The following SAMD12 variants were observed in gnomAD, a reference collection of about 807,000 sequenced individuals.
The protein encoded by SAMD12 is sterile alpha motif domain-containing protein 12.
A neutral mutation model predicts 15.0 loss-of-function variants in SAMD12; 9 were observed. The observed-to-expected ratio is 0.60, with a 90% CI of 0.36 to 1.05. The LOEUF is 1.05. Among genes scored for constraint, SAMD12 ranks in the 50% least tolerant of loss-of-function variants. The pLI is 0.01. For synonymous variants in SAMD12, 86 were observed against 90.1 expected (o/e 0.96, Z 0.25); for missense variants, 230 against 234.2 (o/e 0.98, Z 0.12).
rs183047696 is a variant in SAMD12, at chr8:118,295,053, C to T, written c.433+84507G>A. On this transcript the variant is annotated intron_variant, in intron 4 of 4. Transcript: ENST00000409003. ...AGAAAACAAACTTCTTTTTTTTTTA[C>T]GTGAAAATTGGGAAAACAGGACATA... Among the ~76,000 whole-genome samples the T allele has an allele frequency of 3.4e-4, 51 of 151,244 alleles. No individual in the cohort carries two copies. In the East Asian group the frequency reaches 8.7e-3, roughly 26 times the overall value.
At chr8:118,571,098 G>T (rs764584581) in intron 2 of SAMD12, among the ~76,000 whole-genome samples, 1 of 152,108 alleles carries the variant, frequency 6.6e-6, no homozygotes. Flanking sequence ...ACAATAAACT[G>T]TATTGTATAA....
intron 3 of SAMD12, among the ~76,000 whole-genome samples, chr8:118,406,462 C>T (rs1563835545): frequency 1.3e-5 from 2 of 151,774 alleles, no homozygotes; most frequent in African/African-American, 2.4e-5. Context: ...TTAGTAGAGA[C>T]GGGGTTTTGC....
intron 1 of SAMD12, among the ~76,000 whole-genome samples, chr8:118,582,966 C>T (rs867627684): frequency 6.6e-6 from 1 of 151,828 alleles, no homozygotes; most frequent in Middle Eastern, 3.4e-3. Context: ...GAACCTGGGT[C>T]CCTTTGTAGC....
At chr8:118,243,370 A>G (rs888197688) in intron 4 of SAMD12, among the ~76,000 whole-genome samples, 7 of 152,160 alleles carry the variant, frequency 4.6e-5, no homozygotes, top group Non-Finnish European at 8.8e-5. Context: ...AAGAGCCGAA[A>G]AAATGGTATG....
chr8:118,489,001 G>A (rs1223421611), intron 2 of SAMD12, among the ~76,000 whole-genome samples: 2 of 152,180 alleles, frequency 1.3e-5, no homozygotes, highest in Non-Finnish European at 2.9e-5. Context: ...AGTTCCAGTT[G>A]GTTTTGGTCA....
chr8:118,399,993 T>C (rs1394924725), intron 3 of SAMD12, among the ~76,000 whole-genome samples: 1 of 152,204 alleles, frequency 6.6e-6, no homozygotes, highest in Non-Finnish European at 1.5e-5. Flanking sequence ...AATCTGCTGC[T>C]AAAAATTCTG....
chr8:118,355,740 G>A (rs984669928), intron 4 of SAMD12, among the ~76,000 whole-genome samples: 2 of 152,034 alleles, frequency 1.3e-5, no homozygotes, highest in African/African-American at 4.8e-5. Flanking sequence ...TCTGATCAAA[G>A]GAAATTATTA....
chr8:118,603,142 C>G (rs1827900041), intron 1 of SAMD12, among the ~76,000 whole-genome samples: 1 of 151,896 alleles, frequency 6.6e-6, no homozygotes, highest in African/African-American at 2.4e-5. Context: ...AAAATAAGAA[C>G]TAGTCCAGCC....
At chr8:118,303,926 C>G (rs1487746918) in intron 4 of SAMD12, among the ~76,000 whole-genome samples, 1 of 152,158 alleles carries the variant, frequency 6.6e-6, no homozygotes, top group Non-Finnish European at 1.5e-5. Context: ...TATAAAAGCC[C>G]GACAACGATC....
chr8:118,528,032 TA>T (rs56996756), intron 2 of SAMD12, among the ~76,000 whole-genome samples: 64,797 of 146,464 alleles, frequency 0.44, 14,217 homozygotes, highest in Non-Finnish European at 0.49. Flanking sequence ...TATATATATA[TA>T]TTTTTTTTCC....
chr8:118,490,149 T>C (rs1013803192), intron 2 of SAMD12, among the ~76,000 whole-genome samples: 2 of 152,210 alleles, frequency 1.3e-5, no homozygotes, highest in African/African-American at 4.8e-5. Context: ...CATTATCATA[T>C]GTTAACATTT....
chr8:118,185,257 G>A (rs375348065), downstream of SAMD12, among the ~76,000 whole-genome samples: 3 of 151,990 alleles, frequency 2.0e-5, no homozygotes, highest in East Asian at 5.8e-4. Context: ...TATTTCAAAA[G>A]ATTTTGGGGT....
At chr8:118,500,343 G>A (rs1053549662) in intron 2 of SAMD12, among the ~76,000 whole-genome samples, 1 of 151,648 alleles carries the variant, frequency 6.6e-6, no homozygotes, top group Non-Finnish European at 1.5e-5. Flanking sequence ...CTCCCAAAGT[G>A]CTGGGATTAT....
intron 4 of SAMD12, among the ~76,000 whole-genome samples, chr8:118,285,808 C>CAGT (rs1563733151): frequency 6.6e-6 from 1 of 152,066 alleles, no homozygotes; most frequent in Non-Finnish European, 1.5e-5. Flanking sequence ...GATGGGTGTA[C>CAGT]AGTAATTGGT....
At chr8:118,430,371 C>CT (rs35835490) in intron 3 of SAMD12, among the ~76,000 whole-genome samples, 5,977 of 145,876 alleles carry the variant, frequency 0.041, 375 homozygotes, top group African/African-American at 0.13. Context: ...CTGTAATTGC[C>CT]TTTTTTTTTT....
intron 4 of SAMD12, among the ~76,000 whole-genome samples, chr8:118,207,273 T>C (rs1819886756): frequency 6.6e-6 from 1 of 152,252 alleles, no homozygotes; most frequent in Admixed American, 6.5e-5. Flanking sequence ...TTGTACCACA[T>C]GAATACAGGA....
At chr8:118,197,474 A>G (rs748392817) in exon 5 of SAMD12, 166 of 587,498 alleles carry the variant, frequency 2.8e-4, no homozygotes, top group Non-Finnish European at 3.9e-4. Context: ...TGGTCTGCCA[A>G]TGACCACTTG....
intron 4 of SAMD12, among the ~76,000 whole-genome samples, chr8:118,243,966 G>T (rs1812628800): frequency 6.6e-6 from 1 of 152,094 alleles, no homozygotes; most frequent in Admixed American, 6.6e-5. Flanking sequence ...CACAGTTTCA[G>T]CAAGGTTTAT....
In SAMD12 at chr8:118,231,983, G is replaced by C. The variant is rs145024946; in HGVS notation, c.434-34251C>G. Among the ~76,000 whole-genome samples the C allele has an allele frequency of 4.7e-3, 712 of 152,148 alleles. 3 individuals carry two copies. The highest frequency in any genetic ancestry group is 7.6e-3 in the Non-Finnish European group (514 of 67,996). ...ATGGAGAAGTCTTTAGGAAGACTTT[G>C]AAAGCCACTTATTGATGATGGCAGA... is the stretch of plus-strand genomic sequence containing the variant. On this transcript the variant is annotated intron_variant, in intron 4 of 4. Transcript: ENST00000409003.
Sources: allele counts gnomAD v4.1 joint callset (sites outside exome capture counted in the v4.1 genomes callset), GRCh38; gene constraint gnomAD v4.1.1; transcripts MANE v1.5; gene names NCBI Gene and HGNC (gene_info 2026-07-23, HGNC 2026-07-21).